The following GDA variants were observed in gnomAD, a reference collection of about 807,000 sequenced individuals.
The protein encoded by GDA is cytoplasmic PSD-95 interactor.
Under a neutral mutation model 59.6 loss-of-function variants are expected in GDA, and 18 were observed. The observed-to-expected ratio is 0.30, with a 90% confidence interval of 0.21 to 0.45. GDA has a LOEUF of 0.45. GDA is among the 20% of genes least tolerant of loss of function. GDA has a pLI of 1.00. For synonymous variants in GDA, 201 were observed against 201.1 expected (o/e 1.00, Z 0.00); for missense variants, 427 against 552.3 (o/e 0.77, Z 2.27).
downstream of GDA, among the ~76,000 whole-genome samples, chr9:72,256,210 C>T (rs926579919): frequency 6.6e-6 from 1 of 152,020 alleles, no homozygotes; most frequent in Non-Finnish European, 1.5e-5. Flanking sequence ...GAAATCTGTA[C>T]CTGCAGAAAA....
In GDA at chr9:72,195,500, A is replaced by G. The variant is rs990460353; in HGVS notation, c.124A>G (p.Ile42Val). The change falls in exon 2 of 14, where the codon ATA (isoleucine) becomes GTA (valine). Residue 42 changes from isoleucine (I) to valine (V), a missense_variant and splice_region_variant. Coordinates refer to ENST00000358399, the MANE Select transcript of GDA (RefSeq NM_004293.5). ...HLLGVSDSGK[I>V]VFLEEASQQE... Reference sequence around the variant, plus strand: ...TTTCTTTTCTTTCTTTCTTTTAAAGATAGTGTTTTTAGAAGAAGCATCTCA... The same window carrying G: ...TTTCTTTTCTTTCTTTCTTTTAAAGGTAGTGTTTTTAGAAGAAGCATCTCA... 7.2e-6 allele frequency: 10 copies of G among 1,384,320 alleles called. No individual in the cohort carries two copies. Among genetic ancestry groups the G allele is most frequent in the Admixed American group, 7.2e-5 (4 of 55,444 alleles). 85.8% of individuals were successfully genotyped at this position (1,384,320 alleles called of 1,614,324 possible). A position where few individuals can be genotyped will look rare whatever the true frequency, so the allele number is the denominator to read the frequency against.
chr9:72,120,346 G>A (rs532578884), intron 1 of GDA, among the ~76,000 whole-genome samples: 8 of 152,076 alleles, frequency 5.3e-5, no homozygotes, highest in Non-Finnish European at 1.2e-4. Context: ...GCACTACCAC[G>A]CCCAGCTAAT....
chr9:72,143,602 A>G (rs928153778), intron 1 of GDA, among the ~76,000 whole-genome samples: 2 of 152,218 alleles, frequency 1.3e-5, no homozygotes, highest in Admixed American at 1.3e-4. Flanking sequence ...CCTGTCTGGC[A>G]TAAAACCTAA....
At chr9:72,126,437 T>C (rs1294375147) in intron 1 of GDA, among the ~76,000 whole-genome samples, 2 of 152,160 alleles carry the variant, frequency 1.3e-5, no homozygotes, top group Non-Finnish European at 2.9e-5. Flanking sequence ...CCATGAACTG[T>C]AGTGATAGAC....
chr9:72,238,824 G>A (rs990421426), intron 10 of GDA, among the ~76,000 whole-genome samples: 1 of 152,014 alleles, frequency 6.6e-6, no homozygotes, highest in African/African-American at 2.4e-5. Context: ...CCACCCTTTG[G>A]TCCTCATTCT....
intron 1 of GDA, among the ~76,000 whole-genome samples, chr9:72,192,222 C>CTTT: frequency 1.0e-5 from 1 of 97,526 alleles, no homozygotes; most frequent in African/African-American, 4.1e-5. Flanking sequence ...TTTCAAATAG[C>CTTT]CTTTTTTTTT....
chr9:72,225,998 T>TGTGTGTGTGTGTGTGC (rs1837521216), intron 8 of GDA, among the ~76,000 whole-genome samples: 2 of 151,292 alleles, frequency 1.3e-5, no homozygotes, highest in Non-Finnish European at 2.9e-5. Flanking sequence ...AGTGTGTGTG[T>TGTGTGTGTGTGTGTGC]GTGTGTGTGT....
chr9:72,185,445 C>A (rs975865491), intron 1 of GDA, among the ~76,000 whole-genome samples: 2 of 152,134 alleles, frequency 1.3e-5, no homozygotes, highest in Admixed American at 1.3e-4. Context: ...TGTACTAGTC[C>A]GACGGGGTTT....
chr9:72,191,348 G>A (rs570080227), intron 1 of GDA, among the ~76,000 whole-genome samples: 2 of 152,216 alleles, frequency 1.3e-5, no homozygotes, highest in Admixed American at 6.5e-5. Context: ...CCAGCTGTAT[G>A]TTAAGTAAAA....
At chr9:72,211,033 G>C (rs770954446) in intron 4 of GDA, among the ~76,000 whole-genome samples, 21 of 151,956 alleles carry the variant, frequency 1.4e-4, no homozygotes, top group Non-Finnish European at 2.5e-4. Context: ...ACAATTTTTG[G>C]TTACAGAATG....
In GDA at chr9:72,202,702, A is replaced by G; in HGVS notation, c.344A>G (p.Gln115Arg). 6.2e-7 allele frequency: 1 copy of G among 1,613,906 alleles called. No individual in the cohort carries two copies. The highest frequency in any genetic ancestry group is 2.2e-5 in the East Asian group (1 of 44,870). ...KYTFPAEHRF[Q>R]NIDFAEEVYT... is the part of the protein sequence containing the mutation. ...ACATTTCCTGCAGAACACAGATTCC[A>G]GAACATCGACTTTGCAGAAGAAGTA... Residue 115 changes from glutamine to arginine, a missense_variant, in exon 3 of 14, where the codon CAG becomes CGG. Gln to Arg is a conservative substitution (Grantham distance 43). Coordinates refer to ENST00000358399, the MANE Select transcript of GDA (RefSeq NM_004293.5).
At chr9:72,201,009 C>T (rs1306045773) in intron 2 of GDA, among the ~76,000 whole-genome samples, 1 of 152,014 alleles carries the variant, frequency 6.6e-6, no homozygotes, top group Non-Finnish European at 1.5e-5. Flanking sequence ...AGGAGGGTAA[C>T]AGTACTCTCA....
At chr9:72,185,917 A>G (rs1831811952) in intron 1 of GDA, among the ~76,000 whole-genome samples, 1 of 152,218 alleles carries the variant, frequency 6.6e-6, no homozygotes, top group South Asian at 2.1e-4. Flanking sequence ...GCTTAGCAGA[A>G]GGGAATCAAT....
chr9:72,236,039 T>C (rs1838950154), intron 10 of GDA, among the ~76,000 whole-genome samples: 1 of 152,250 alleles, frequency 6.6e-6, no homozygotes, highest in Non-Finnish European at 1.5e-5. Flanking sequence ...TGATCTCTTG[T>C]AGACTCTAGT....
chr9:72,214,311 C>T (rs1049619692), intron 5 of GDA, among the ~76,000 whole-genome samples: 3 of 150,636 alleles, frequency 2.0e-5, no homozygotes, highest in Non-Finnish European at 4.4e-5. Flanking sequence ...CGGAGTCTCA[C>T]TCTGTCATCC....
At chr9:72,134,703 C>T (rs901504330) in intron 1 of GDA, among the ~76,000 whole-genome samples, 18 of 152,166 alleles carry the variant, frequency 1.2e-4, no homozygotes, top group East Asian at 3.9e-4. Flanking sequence ...TGCACCTGGC[C>T]GGCACTTGTT....
chr9:72,214,289 T>A (rs1465373450), intron 5 of GDA, among the ~76,000 whole-genome samples: 5 of 151,840 alleles, frequency 3.3e-5, no homozygotes, highest in Non-Finnish European at 4.4e-5. Context: ...TTTTTATTTT[T>A]TTTTTTTGAG....
chr9:72,150,195 A>G (rs747075611), intron 1 of GDA, among the ~76,000 whole-genome samples: 3 of 152,194 alleles, frequency 2.0e-5, no homozygotes, highest in Non-Finnish European at 4.4e-5. Flanking sequence ...TCACCCTATC[A>G]TTCAACAGAG....
chr9:72,147,479 C>T (rs533056951), upstream of GDA, among the ~76,000 whole-genome samples: 1 of 152,352 alleles, frequency 6.6e-6, no homozygotes, highest in African/African-American at 2.4e-5. Context: ...GTTGGGATTA[C>T]AGGCGTGAGC....
Sources: allele counts gnomAD v4.1 joint callset (sites outside exome capture counted in the v4.1 genomes callset), GRCh38; gene constraint gnomAD v4.1.1; transcripts MANE v1.5; gene names NCBI Gene and HGNC (gene_info 2026-07-23, HGNC 2026-07-21).